The following N4BP2L2 variants were observed in gnomAD, a reference collection of about 807,000 sequenced individuals.
N4BP2L2 encodes NEDD4-binding protein 2-like 2.
In N4BP2L2, 50 loss-of-function variants were observed where a neutral mutation model predicts 56.2. The observed-to-expected ratio is 0.89, with a 90% CI of 0.71 to 1.13. The LOEUF (loss-of-function observed/expected upper bound fraction) is 1.13, where lower values mean the gene tolerates loss of function less well. Ranked by LOEUF, N4BP2L2 falls within the 50% of genes most tolerant of loss-of-function variation. N4BP2L2 has a pLI of 0.00. For synonymous variants in N4BP2L2, 203 were observed against 223.6 expected (o/e 0.91, Z 0.82); for missense variants, 689 against 693.8 (o/e 0.99, Z 0.08).
At chr13:32,457,007 C>T (rs1170614967) in intron 6 of N4BP2L2, among the ~76,000 whole-genome samples, 3 of 152,032 alleles carry the variant, frequency 2.0e-5, no homozygotes, top group Admixed American at 6.6e-5. Context: ...AACATGGTGG[C>T]TCATGCCTGT....
chr13:32,519,484 C>T (rs573087381), intron 5 of N4BP2L2, among the ~76,000 whole-genome samples: 21 of 152,056 alleles, frequency 1.4e-4, no homozygotes, highest in African/African-American at 4.6e-4. Context: ...GGTGAAACTC[C>T]GTCTCTACTA....
rs1050414617 is a variant in N4BP2L2, at chr13:32,520,658, C to CA, written c.1550+714dup. On this transcript the variant is annotated intron_variant, in intron 5 of 5. Transcript: ENST00000267068. ...TGGGCAACAGAGCGAGACTCCATCT[C>CA]AAAAAAAAAAAAGTAAAGGAAAAAA... Among the ~76,000 whole-genome samples the CA allele has an allele frequency of 7.6e-3, 763 of 100,384 alleles. 6 individuals carry two copies. The highest frequency in any genetic ancestry group is 0.025 in the African/African-American group (663 of 26,396). The allele number at this position is 100,384 out of a possible 152,430, so 65.9% of individuals were successfully genotyped here.
exon 6 of N4BP2L2, chr13:32,515,141 A>G (rs1260875684): frequency 6.9e-5 from 10 of 145,524 alleles, no homozygotes. Flanking sequence ...CTCTGTCTCA[A>G]AAAAAAAAAA....
Position 32,492,272 on chromosome 13 carries a change from A to ATTTTTTTTTTTTTTTTTTTT in N4BP2L2, c.365+25584_365+25585insAAAAAAAAAAAAAAAAAAAA, listed in dbSNP as rs1185615708. On this transcript the variant is annotated intron_variant, in intron 6 of 9. Transcript: ENST00000357505. Reference sequence around the variant, plus strand: ...TTTTCTACACATCCCAAAACACCAAAATTTTTTTTTTTTTTTTTTTTTTTT... The same window carrying ATTTTTTTTTTTTTTTTTTTT: ...TTTTCTACACATCCCAAAACACCAAATTTTTTTTTTTTTTTTTTTTATTTTTTTTTTTTTTTTTTTTTTTT... Among the ~76,000 whole-genome samples the ATTTTTTTTTTTTTTTTTTTT allele has an allele frequency of 1.3e-4, 10 of 77,040 alleles. 2 individuals are homozygous for ATTTTTTTTTTTTTTTTTTTT. Among genetic ancestry groups the ATTTTTTTTTTTTTTTTTTTT allele is most frequent in the African/African-American group, 5.7e-4 (10 of 17,530 alleles). 50.5% of individuals were successfully genotyped at this position (77,040 alleles called of 152,430 possible).
At chr13:32,441,919 A>G (rs2076429448) in intron 7 of N4BP2L2, among the ~76,000 whole-genome samples, 1 of 150,360 alleles carries the variant, frequency 6.7e-6, no homozygotes. Context: ...AAATAAATAA[A>G]TAAATAAATA....
At chr13:32,503,333 A>G (rs2090364843) in intron 6 of N4BP2L2, among the ~76,000 whole-genome samples, 1 of 152,158 alleles carries the variant, frequency 6.6e-6, no homozygotes, top group Non-Finnish European at 1.5e-5. Flanking sequence ...TTCATTCTTC[A>G]AACACAAATC....
intron 6 of N4BP2L2, among the ~76,000 whole-genome samples, chr13:32,457,355 G>T (rs1190547985): frequency 6.6e-6 from 1 of 152,088 alleles, no homozygotes; most frequent in South Asian, 2.1e-4. Context: ...TCTAGCAAGA[G>T]ATTTAGACAT....
rs1278822274 is a variant in N4BP2L2, at chr13:32,474,595, G to A, written c.366-30469C>T. On this transcript the variant is annotated intron_variant, in intron 6 of 9. Coordinates refer to the N4BP2L2 transcript ENST00000357505. ...TGTAATCTCAGGTACTCGGAAGGCT[G>A]AGGCAGGAGAATCACTTGAGCCTGG... Among the ~76,000 whole-genome samples the A allele has an allele frequency of 3.9e-5, 6 of 152,188 alleles. No individual in the cohort carries two copies. The East Asian group carries it at 1.2e-3, about 29-fold the overall frequency.
chr13:32,433,770 CA>C (rs1393522308), intron 9 of N4BP2L2, among the ~76,000 whole-genome samples: 94 of 136,778 alleles, frequency 6.9e-4, no homozygotes, highest in Middle Eastern at 3.8e-3. Context: ...ACTAAAAATA[CA>C]AAAAAAAAAA....
chr13:32,482,921 C>T (rs1219048458), intron 6 of N4BP2L2, among the ~76,000 whole-genome samples: 5 of 152,214 alleles, frequency 3.3e-5, no homozygotes, highest in Non-Finnish European at 7.3e-5. Context: ...CTATCTACTA[C>T]TAGTTTGTTT....
At chr13:32,532,668 G>C (rs1222558536) in intron 2 of N4BP2L2, among the ~76,000 whole-genome samples, 2 of 146,744 alleles carry the variant, frequency 1.4e-5, no homozygotes, top group Non-Finnish European at 3.0e-5. Context: ...TCGGCTCACT[G>C]CAACCTCTGC....
intron 7 of N4BP2L2, among the ~76,000 whole-genome samples, chr13:32,441,814 C>T (rs995808713): frequency 3.3e-5 from 5 of 149,850 alleles, no homozygotes; most frequent in Non-Finnish European, 7.4e-5. Context: ...GAGGCCGAGG[C>T]GGGCGGATCA....
intron 6 of N4BP2L2, among the ~76,000 whole-genome samples, chr13:32,491,141 C>G (rs141488746): frequency 6.6e-6 from 1 of 152,124 alleles, no homozygotes; most frequent in African/African-American, 2.4e-5. Flanking sequence ...TTCTGAGATT[C>G]TGAAGGGAAA....
At chr13:32,476,494 T>C (rs2083350458) in intron 6 of N4BP2L2, among the ~76,000 whole-genome samples, 1 of 152,150 alleles carries the variant, frequency 6.6e-6, no homozygotes, top group African/African-American at 2.4e-5. Context: ...CACATGCTGC[T>C]CTCTGTCTAG....
chr13:32,459,041 C>T (rs573830519), intron 6 of N4BP2L2, among the ~76,000 whole-genome samples: 4 of 152,080 alleles, frequency 2.6e-5, no homozygotes, highest in Non-Finnish European at 5.9e-5. Context: ...CCTCAACAAC[C>T]TTTGGGTCAA....
intron 6 of N4BP2L2, among the ~76,000 whole-genome samples, chr13:32,449,900 G>A (rs931761039): frequency 6.2e-4 from 95 of 152,118 alleles, no homozygotes; most frequent in Admixed American, 6.0e-3. Context: ...GCAAATGATT[G>A]GAAGTGGAAA....
At chr13:32,511,370 C>G (rs1363363926) in exon 6 of N4BP2L2, 1 of 152,126 alleles carries the variant, frequency 6.6e-6, no homozygotes, top group Non-Finnish European at 1.5e-5. Context: ...AACCAGCAAC[C>G]ATGACATAAT....
At chr13:32,457,214 C>G (rs2079121959) in intron 6 of N4BP2L2, among the ~76,000 whole-genome samples, 1 of 152,012 alleles carries the variant, frequency 6.6e-6, no homozygotes, top group Non-Finnish European at 1.5e-5. Flanking sequence ...AAAGAATGAA[C>G]AAAACCTACT....
chr13:32,494,491 C>T (rs1180190638), intron 6 of N4BP2L2, among the ~76,000 whole-genome samples: 1 of 151,774 alleles, frequency 6.6e-6, no homozygotes, highest in Non-Finnish European at 1.5e-5. Context: ...AGGCTGGGCG[C>T]GGTGGCTCAA....
Sources: allele counts gnomAD v4.1 joint callset (sites outside exome capture counted in the v4.1 genomes callset), GRCh38; gene constraint gnomAD v4.1.1; transcripts MANE v1.5; gene names NCBI Gene and HGNC (gene_info 2026-07-23, HGNC 2026-07-21).